Variants in PIBF1 observed in about 807,000 individuals in gnomAD.
PIBF1 encodes the protein progesterone-induced-blocking factor 1.
PIBF1 carries 90 observed loss-of-function variants against 112.5 expected under a neutral mutation model. The observed-to-expected ratio is 0.80, with a 90% CI of 0.67 to 0.95. PIBF1 has a LOEUF of 0.95. Among genes scored for constraint, PIBF1 ranks in the 40% least tolerant of loss-of-function variants. The pLI, the probability that PIBF1 is intolerant of heterozygous loss-of-function variation, is 0.00. For synonymous variants in PIBF1, 301 were observed against 288.6 expected (o/e 1.04, Z -0.44); for missense variants, 915 against 852.3 (o/e 1.07, Z -0.92).
chr13:72,973,515 CT>C lies in PIBF1; in HGVS notation c.1965-72del, dbSNP rs2042949544. 13 of 706,088 alleles carry C rather than the reference CT, an allele frequency of 1.8e-5. 1 individual carries two copies. In the South Asian group the frequency reaches 2.5e-4, roughly 13 times the overall value. 43.7% of individuals were successfully genotyped at this position (706,088 alleles called of 1,614,324 possible). On this transcript the variant is annotated intron_variant, in intron 15 of 17. Transcript: ENST00000326291. ...TCAAACCATCAGATTCATGTTTATT[CT>C]TTTAATATTTACCATTTATTAACTA...
At chr13:72,830,121 A>G (rs2037029171) in intron 8 of PIBF1, among the ~76,000 whole-genome samples, 1 of 152,166 alleles carries the variant, frequency 6.6e-6, no homozygotes, top group Non-Finnish European at 1.5e-5. Context: ...TTGCACATCA[A>G]TTTTGTATCC....
At chr13:72,837,069 T>G (rs913570497) in intron 9 of PIBF1, among the ~76,000 whole-genome samples, 3 of 152,042 alleles carry the variant, frequency 2.0e-5, no homozygotes, top group Non-Finnish European at 4.4e-5. Flanking sequence ...TCAATGAAAA[T>G]GGCAAAGAAT....
At position 72,943,507 on chromosome 13, in the gene PIBF1, T is replaced by C. The variant is rs532589817; in HGVS notation, c.1833+12240T>C. Among the ~76,000 whole-genome samples the C allele has an allele frequency of 2.4e-3, 363 of 152,312 alleles. 1 individual carries two copies. Among genetic ancestry groups the C allele is most frequent in the African/African-American group, 8.2e-3 (339 of 41,554 alleles). On this transcript the variant is annotated intron_variant, in intron 14 of 17. Transcript: ENST00000326291. ...TAAAAATTAATAATTTTTTAAAAGT[T>C]CCCTATCCAAAACTGTCCTCTGTGC...
chr13:72,839,896 A>AC (rs922580023), intron 9 of PIBF1, among the ~76,000 whole-genome samples: 2 of 151,886 alleles, frequency 1.3e-5, no homozygotes, highest in Non-Finnish European at 2.9e-5. Context: ...TGTTCTTCTG[A>AC]CCCCCTATCC....
chr13:72,845,251 G>C (rs989162022), intron 9 of PIBF1, among the ~76,000 whole-genome samples: 2 of 151,452 alleles, frequency 1.3e-5, no homozygotes, highest in African/African-American at 4.9e-5. Flanking sequence ...TTGGTTTTCT[G>C]TTCCTGTGTT....
intron 10 of PIBF1, among the ~76,000 whole-genome samples, chr13:72,871,627 T>C (rs1235405079): frequency 5.3e-5 from 8 of 152,146 alleles, no homozygotes; most frequent in Admixed American, 2.6e-4. Context: ...CTCTAAAAGA[T>C]TGCAGTCATG....
intron 16 of PIBF1, among the ~76,000 whole-genome samples, chr13:72,986,970 C>T (rs1409193440): frequency 1.3e-5 from 2 of 152,218 alleles, no homozygotes; most frequent in South Asian, 2.1e-4. Flanking sequence ...GGATTACAGG[C>T]GTGAGCCACC....
At position 72,896,952 on chromosome 13, in the gene PIBF1, C is replaced by T. The variant is rs2040304215; in HGVS notation, c.1488+3003C>T. Among the ~76,000 whole-genome samples, 3 of 152,168 alleles carry T rather than the reference C, an allele frequency of 2.0e-5. No homozygotes were observed. The South Asian group carries it at 6.2e-4, about 32-fold the overall frequency. On this transcript the variant is annotated intron_variant, in intron 11 of 17. Transcript: ENST00000326291. ...CAAATACGAGAAGCACCAAGAACAC[C>T]TGGGGAATTCATTGCAAAAAGATTT...
intron 11 of PIBF1, among the ~76,000 whole-genome samples, chr13:72,903,257 A>G (rs1422756461): frequency 1.3e-5 from 2 of 152,138 alleles, no homozygotes; most frequent in Non-Finnish European, 2.9e-5. Context: ...TGATTTTTAT[A>G]TCTTCATTCT....
chr13:72,901,501 C>T (rs1321567000), intron 11 of PIBF1, among the ~76,000 whole-genome samples: 2 of 152,054 alleles, frequency 1.3e-5, no homozygotes, highest in Admixed American at 6.6e-5. Flanking sequence ...TCAGCCTGGC[C>T]AACATGTGAA....
At chr13:72,797,569 A>G (rs1319406560) in intron 4 of PIBF1, among the ~76,000 whole-genome samples, 2 of 152,198 alleles carry the variant, frequency 1.3e-5, no homozygotes, top group African/African-American at 4.8e-5. Context: ...AGCAGAAGAA[A>G]CAGCAAGAGC....
chr13:72,894,772 A>AGTGTGTGTGTGTGT lies in PIBF1; in HGVS notation c.1488+844_1488+857dup, dbSNP rs35885902. On this transcript the variant is annotated intron_variant, in intron 11 of 17. Transcript: ENST00000326291. The stretch of plus-strand genomic sequence containing the variant: ...TAATATATATATTATATATATATAT[A>AGTGTGTGTGTGTGT]GTGTGTGTGTGTGTGTGTGTGTGTG... Among the ~76,000 whole-genome samples the AGTGTGTGTGTGTGT allele has an allele frequency of 3.9e-3, 537 of 137,188 alleles. 2 individuals carry two copies. The highest frequency in any genetic ancestry group is 7.3e-3 in the Admixed American group (99 of 13,646). 90.0% of individuals were successfully genotyped at this position (137,188 alleles called of 152,430 possible).
At chr13:72,982,746 C>A (rs1329424349) in intron 16 of PIBF1, among the ~76,000 whole-genome samples, 1 of 152,116 alleles carries the variant, frequency 6.6e-6, no homozygotes, top group African/African-American at 2.4e-5. Context: ...AAACTGTCAT[C>A]AAAAAATAAG....
intron 4 of PIBF1, among the ~76,000 whole-genome samples, chr13:72,796,930 T>G (rs767347331): frequency 2.6e-5 from 4 of 152,184 alleles, no homozygotes; most frequent in Non-Finnish European, 4.4e-5. Context: ...CAAATAATGG[T>G]ATTCTTGTAA....
chr13:72,928,474 T>C (rs776498456), intron 13 of PIBF1, among the ~76,000 whole-genome samples: 1 of 152,108 alleles, frequency 6.6e-6, no homozygotes, highest in Non-Finnish European at 1.5e-5. Flanking sequence ...AGTCTTGCTC[T>C]TGTCCCCCAG....
At chr13:72,855,210 A>C (rs2038361005) in intron 10 of PIBF1, among the ~76,000 whole-genome samples, 1 of 152,202 alleles carries the variant, frequency 6.6e-6, no homozygotes, top group Admixed American at 6.5e-5. Context: ...TAAAACTAAA[A>C]TTTGAGGCAA....
chr13:72,819,037 C>G (rs569929875), intron 5 of PIBF1, among the ~76,000 whole-genome samples: 1 of 152,186 alleles, frequency 6.6e-6, no homozygotes, highest in South Asian at 2.1e-4. Flanking sequence ...CCCACAGTGT[C>G]CTTCCAACAA....
intron 3 of PIBF1, 84 bp downstream of exon 3, chr13:72,792,631 T>C (rs1396788873): frequency 4.5e-6 from 3 of 666,348 alleles, no homozygotes; most frequent in Non-Finnish European, 7.5e-6. Context: ...TTTGTGACTG[T>C]AAGCTAAAAT....
chr13:72,944,229 C>T (rs1243794713), intron 14 of PIBF1, among the ~76,000 whole-genome samples: 1 of 151,904 alleles, frequency 6.6e-6, no homozygotes, highest in Non-Finnish European at 1.5e-5. Context: ...GGGTGATCAC[C>T]TGAGGTCAGG....
Sources: allele counts gnomAD v4.1 joint callset (sites outside exome capture counted in the v4.1 genomes callset), GRCh38; gene constraint gnomAD v4.1.1; transcripts MANE v1.5; gene names NCBI Gene and HGNC (gene_info 2026-07-23, HGNC 2026-07-21).